The following TRDN variants were observed in gnomAD, a reference collection of about 807,000 sequenced individuals.
TRDN encodes triadin.
In TRDN, 161 loss-of-function variants were observed where a neutral mutation model predicts 149.7. The ratio of observed to expected loss-of-function variants is 1.08; its 90% CI spans 0.95 to 1.23. The LOEUF (loss-of-function observed/expected upper bound fraction) is 1.23, where lower values mean the gene tolerates loss of function less well. Ranked by LOEUF, TRDN falls within the 50% of genes most tolerant of loss-of-function variation. The pLI is 0.00. For synonymous variants in TRDN, 294 were observed against 250.5 expected (o/e 1.17, Z -1.64); for missense variants, 896 against 823.5 (o/e 1.09, Z -1.08).
intron 1 of TRDN, among the ~76,000 whole-genome samples, chr6:123,585,528 T>C (rs1783428093): frequency 6.6e-6 from 1 of 152,126 alleles, no homozygotes; most frequent in South Asian, 2.1e-4. Flanking sequence ...TCTAGGGGGC[T>C]TCCGAGGCGA....
chr6:123,600,277 A>G (rs569058747), intron 1 of TRDN, among the ~76,000 whole-genome samples: 2 of 152,170 alleles, frequency 1.3e-5, no homozygotes, highest in East Asian at 3.9e-4. Context: ...CTGAAGACTT[A>G]TTAATGTGAA....
intron 12 of TRDN, among the ~76,000 whole-genome samples, chr6:123,428,738 T>A (rs1774221194): frequency 6.6e-6 from 1 of 152,182 alleles, no homozygotes; most frequent in African/African-American, 2.4e-5. Context: ...GTCACTCACC[T>A]ACCACAAAAG....
chr6:123,350,821 C>G, intron 21 of TRDN: 1 of 983,780 alleles, frequency 1.0e-6, no homozygotes, highest in Non-Finnish European at 1.2e-6. Context: ...TTTTTTCACA[C>G]AATCCAAGAG....
chr6:123,245,194 G>C (rs1378017937), intron 38 of TRDN, among the ~76,000 whole-genome samples: 3 of 152,070 alleles, frequency 2.0e-5, no homozygotes, highest in Admixed American at 1.3e-4. Flanking sequence ...CAACTAATAT[G>C]CAAAATAGCC....
In TRDN at chr6:123,604,483, G is replaced by GCAGCTAAACAA. The variant is rs546596644; in HGVS notation, c.22+32270_22+32271insTTGTTTAGCTG. 1.2e-4 allele frequency among the ~76,000 whole-genome samples: 18 copies of GCAGCTAAACAA among 152,290 alleles called. No homozygotes were observed. The East Asian group carries it at 3.5e-3, about 29-fold the overall frequency. ...GCTGGACTTCATAACAAACAACACA[G>GCAGCTAAACAA]CAAGCCAGAGCTAAATATTACAGAA... On this transcript the variant is annotated intron_variant, in intron 1 of 40. Coordinates refer to ENST00000334268, the MANE Select transcript of TRDN (RefSeq NM_006073.4).
At chr6:123,285,425 G>A (rs549608403) in intron 24 of TRDN, among the ~76,000 whole-genome samples, 9 of 151,978 alleles carry the variant, frequency 5.9e-5, no homozygotes, top group East Asian at 3.9e-4. Context: ...AAAGTAAAAC[G>A]TAAAGTGGGG....
chr6:123,351,174 A>G, intron 21 of TRDN: 1 of 984,312 alleles, frequency 1.0e-6, no homozygotes, highest in Non-Finnish European at 1.2e-6. Flanking sequence ...AAGTAATTTG[A>G]TAATTTATGT....
chr6:123,283,327 G>C (rs1199995548), intron 24 of TRDN, among the ~76,000 whole-genome samples: 1 of 151,706 alleles, frequency 6.6e-6, no homozygotes, highest in African/African-American at 2.4e-5. Flanking sequence ...GGTGCTAAGA[G>C]GAAAATTCAT....
At chr6:123,421,747 C>T (rs1043088425) in intron 12 of TRDN, 1 of 140,372 alleles carries the variant, frequency 7.1e-6, no homozygotes, top group African/African-American at 2.7e-5. Flanking sequence ...GGCAGGAGAC[C>T]TGCTTAAGTT....
intron 23 of TRDN, among the ~76,000 whole-genome samples, chr6:123,317,949 A>G (rs1260838685): frequency 6.6e-6 from 1 of 151,996 alleles, no homozygotes; most frequent in East Asian, 1.9e-4. Context: ...TGTTGCATTT[A>G]TATTTTATTT....
chr6:123,352,473 T>C lies in TRDN; in HGVS notation c.1369+66A>G, dbSNP rs926931625. Reference sequence around the variant, plus strand: ...TTGTCTTCCGCCTGTCTGAATCCAGTGCTTTCCTCCGCATGTTGTTGTCTT... The same window carrying C: ...TTGTCTTCCGCCTGTCTGAATCCAGCGCTTTCCTCCGCATGTTGTTGTCTT... On this transcript the variant is annotated intron_variant, in intron 21 of 40. Transcript: ENST00000334268. The C allele has an allele frequency of 1.9e-6, 3 of 1,594,264 alleles. No homozygotes were observed. In the African/African-American group the frequency reaches 4.1e-5, roughly 22 times the overall value.
intron 3 of TRDN, 115 bp from the exon 4 acceptor site, chr6:123,547,487 T>C: frequency 1.7e-6 from 1 of 591,600 alleles, no homozygotes; most frequent in Non-Finnish European, 2.7e-6. Context: ...TTAACAATCA[T>C]AGTCTTTACA....
chr6:123,278,187 T>C, intron 26 of TRDN, 131 bp downstream of exon 26: 1 of 573,918 alleles, frequency 1.7e-6, no homozygotes, highest in Non-Finnish European at 2.6e-6. Context: ...ATTTTGTTAG[T>C]TTTTTTTTAA....
rs375304299 is a variant in TRDN, at chr6:123,394,171, G to T, written c.1052-494C>A. Among the ~76,000 whole-genome samples, 9 of 152,140 alleles carry T rather than the reference G, an allele frequency of 5.9e-5. 2 individuals carry two copies. The South Asian group carries it at 1.9e-3, about 32-fold the overall frequency. On this transcript the variant is annotated intron_variant, in intron 12 of 40. Transcript: ENST00000334268. Reference sequence around the variant, plus strand: ...ACTGCAGTGGCACCAATCACTATTAGTGTGGCCCTGGGCAAAATATATCCG... The same window carrying T: ...ACTGCAGTGGCACCAATCACTATTATTGTGGCCCTGGGCAAAATATATCCG...
chr6:123,570,202 G>A (rs1372614553), intron 2 of TRDN, among the ~76,000 whole-genome samples: 1 of 152,110 alleles, frequency 6.6e-6, no homozygotes, highest in African/African-American at 2.4e-5. Context: ...TTAATGAAAT[G>A]TTTCGCTTAT....
At chr6:123,241,351 C>G (rs372711450) in intron 38 of TRDN, among the ~76,000 whole-genome samples, 3 of 150,940 alleles carry the variant, frequency 2.0e-5, no homozygotes, top group Non-Finnish European at 4.4e-5. Context: ...TCTTTTCAGA[C>G]GTAAGATACA....
chr6:123,271,060 TG>T, intron 30 of TRDN, 78 bp downstream of exon 30: 1 of 759,480 alleles, frequency 1.3e-6, no homozygotes, highest in Non-Finnish European at 2.1e-6. Context: ...TGTGTGTGTG[TG>T]TGTCTGCATG....
At chr6:123,403,917 C>G (rs988659811) in intron 12 of TRDN, among the ~76,000 whole-genome samples, 1 of 151,960 alleles carries the variant, frequency 6.6e-6, no homozygotes, top group South Asian at 2.1e-4. Context: ...GAAAATGGGA[C>G]AAGATATTTG....
rs551088995 is a variant in TRDN, at chr6:123,607,096, G to A, written c.22+29658C>T. Among the ~76,000 whole-genome samples, 13 of 152,180 alleles carry A rather than the reference G, an allele frequency of 8.5e-5. No individual in the cohort carries two copies. The South Asian group carries it at 2.7e-3, about 32-fold the overall frequency. On this transcript the variant is annotated intron_variant, in intron 1 of 40. Coordinates refer to ENST00000334268, the MANE Select transcript of TRDN (RefSeq NM_006073.4). ...AAAGCTTTCAGACACAGTCACAAGTGGTTCTCAAAAAGAAACTGAATTCAA... is the reference window on the plus strand; with the variant it reads ...AAAGCTTTCAGACACAGTCACAAGTAGTTCTCAAAAAGAAACTGAATTCAA...
Sources: allele counts gnomAD v4.1 joint callset (sites outside exome capture counted in the v4.1 genomes callset), GRCh38; gene constraint gnomAD v4.1.1; transcripts MANE v1.5; gene names NCBI Gene and HGNC (gene_info 2026-07-23, HGNC 2026-07-21).